ASB4: variants seen among roughly 807,000 people sequenced by gnomAD.
The protein encoded by ASB4 is ankyrin repeat and SOCS box protein 4.
A neutral mutation model predicts 38.6 loss-of-function variants in ASB4; 35 were observed. That is an observed-to-expected ratio of 0.91 (90% confidence interval 0.69 to 1.20). ASB4 has a LOEUF of 1.20. ASB4 is among the 50% of genes most tolerant of loss of function. The pLI, the probability that ASB4 is intolerant of heterozygous loss-of-function variation, is 0.00. For synonymous variants in ASB4, 195 were observed against 201.3 expected (o/e 0.97, Z 0.26); for missense variants, 557 against 527.2 (o/e 1.06, Z -0.55).
chr7:95,528,583 A>G (rs1790778294), intron 3 of ASB4: 1 of 1,388,698 alleles, frequency 7.2e-7, no homozygotes, highest in South Asian at 1.8e-5. Context: ...TTCCTGAGGG[A>G]CTGAGGTAAG....
At position 95,491,764 on chromosome 7, in the gene ASB4, A is replaced by T. The variant is rs1790174642; in HGVS notation, c.188-3994A>T. ...AGCTTTACCTGGGGTTTGGTCCTCC[A>T]TGACAGTAAGTGTATTTACTTCCAC... is the stretch of plus-strand genomic sequence containing the variant. On this transcript the variant is annotated intron_variant, in intron 1 of 4. Coordinates refer to ENST00000325885, the MANE Select transcript of ASB4 (RefSeq NM_016116.3). 1.3e-5 allele frequency among the ~76,000 whole-genome samples: 2 copies of T among 152,184 alleles called. 1 individual carries two copies. The highest frequency in any genetic ancestry group is 4.1e-4 in the South Asian group (2 of 4,832).
intron 3 of ASB4, among the ~76,000 whole-genome samples, chr7:95,529,327 A>C (rs1790788391): frequency 6.6e-6 from 1 of 152,252 alleles, no homozygotes; most frequent in African/African-American, 2.4e-5. Context: ...AAGAGTTTGA[A>C]GTATACAACA....
intron 2 of ASB4, 91 bp from the exon 3 acceptor site, chr7:95,527,720 AAG>A: frequency 8.1e-6 from 10 of 1,235,818 alleles, no homozygotes; most frequent in Non-Finnish European, 1.1e-5. Flanking sequence ...CAGAAGTTAA[AAG>A]AGAAGCAGTG....
chr7:95,543,540 G>T (rs1288469476), downstream of ASB4: 1 of 152,338 alleles, frequency 6.6e-6, no homozygotes, highest in Non-Finnish European at 1.5e-5. Context: ...AAGCCACTAT[G>T]GACCACGGAA....
intron 1 of ASB4, among the ~76,000 whole-genome samples, chr7:95,486,887 A>T (rs1790098928): frequency 6.6e-6 from 1 of 152,220 alleles, no homozygotes; most frequent in South Asian, 2.1e-4. Flanking sequence ...TAAATCAGAA[A>T]TGAATTAGAG....
chr7:95,500,641 T>A (rs1290674695), intron 2 of ASB4, among the ~76,000 whole-genome samples: 2 of 148,676 alleles, frequency 1.3e-5, no homozygotes, highest in African/African-American at 5.0e-5. Context: ...AAGAAAAAAT[T>A]CAGCCCAGCA....
At chr7:95,527,744 G>C in intron 2 of ASB4, 69 bp from the exon 3 acceptor site, 2 of 1,422,636 alleles carry the variant, frequency 1.4e-6, no homozygotes, top group Non-Finnish European at 1.9e-6. Context: ...GAAAAGTCTT[G>C]TTTAATGAAC....
intron 2 of ASB4, among the ~76,000 whole-genome samples, chr7:95,519,773 A>G (rs748244377): frequency 4.3e-4 from 65 of 152,298 alleles, no homozygotes; most frequent in Non-Finnish European, 7.4e-4. Flanking sequence ...TTAAAAAGGC[A>G]GCCATTAGTG....
the ASB4 span, among the ~76,000 whole-genome samples, chr7:95,545,680 A>C: frequency 6.6e-6 from 1 of 152,136 alleles, no homozygotes; most frequent in Non-Finnish European, 1.5e-5. Flanking sequence ...TATGTAGAGT[A>C]AATGTTGATA....
intron 2 of ASB4, among the ~76,000 whole-genome samples, chr7:95,499,426 A>G (rs1390615680): frequency 1.3e-5 from 2 of 152,248 alleles, no homozygotes; most frequent in Admixed American, 1.3e-4. Context: ...CAACACAAGG[A>G]CAAAGAAAGA....
At chr7:95,542,946 G>A (rs1039821208), downstream of ASB4, 1 of 152,186 alleles carries the variant, frequency 6.6e-6, no homozygotes, top group Non-Finnish European at 1.5e-5. Flanking sequence ...ACTAAGCAGA[G>A]AAAAATGGAC....
the ASB4 span, among the ~76,000 whole-genome samples, chr7:95,547,847 T>C: frequency 1.1e-4 from 17 of 152,336 alleles, no homozygotes; most frequent in Admixed American, 3.3e-4. Flanking sequence ...GATTCATGAC[T>C]GAAACATTAA....
the ASB4 span, among the ~76,000 whole-genome samples, chr7:95,473,361 T>C: frequency 1.3e-5 from 2 of 152,238 alleles, no homozygotes; most frequent in Admixed American, 6.5e-5. Flanking sequence ...ATCTCCATTT[T>C]AGACGTGAAG....
At chr7:95,508,223 G>T (rs1339373147) in intron 2 of ASB4, among the ~76,000 whole-genome samples, 1 of 152,132 alleles carries the variant, frequency 6.6e-6, no homozygotes, top group Non-Finnish European at 1.5e-5. Flanking sequence ...CAGGTAAAAG[G>T]ATTGACTTTG....
upstream of ASB4, among the ~76,000 whole-genome samples, chr7:95,482,680 A>G (rs1790031042): frequency 6.6e-6 from 1 of 152,236 alleles, no homozygotes; most frequent in Admixed American, 6.5e-5. Context: ...AGGGAGATCA[A>G]TAGGCTTGCT....
intron 3 of ASB4, among the ~76,000 whole-genome samples, chr7:95,529,117 A>C (rs1007051547): frequency 1.3e-5 from 2 of 152,208 alleles, no homozygotes; most frequent in African/African-American, 4.8e-5. Context: ...CAAGCAAATA[A>C]AGGGGTAATT....
upstream of ASB4, among the ~76,000 whole-genome samples, chr7:95,483,793 C>T (rs190508720): frequency 6.6e-6 from 1 of 152,048 alleles, no homozygotes; most frequent in East Asian, 1.9e-4. Flanking sequence ...GGTAGATACT[C>T]GATGGGTATT....
rs149352133 is a variant in ASB4 at position 95,528,003 on chromosome 7, G to A, written c.678G>A (p.Glu226=). ...AYWALRFKEQ[E]YSTEHHLVCR... is the part of the protein sequence containing the mutation. ...GGGCCCTCCGCTTTAAGGAGCAGGA[G>A]TACAGCACGGAGCACCACCTGGTCT... is the stretch of plus-strand genomic sequence containing the variant. The change falls in exon 3 of 5, where the codon GAG becomes GAA. Residue 226 remains glutamate, a synonymous_variant. Coordinates refer to ENST00000325885, the MANE Select transcript of ASB4 (RefSeq NM_016116.3). The A allele has an allele frequency of 1.7e-5, 28 of 1,613,976 alleles. No individual in the cohort carries two copies. The African/African-American group carries it at 2.4e-4, about 14-fold the overall frequency.
intron 1 of ASB4, among the ~76,000 whole-genome samples, chr7:95,488,696 G>A (rs1228858319): frequency 2.0e-5 from 3 of 152,204 alleles, no homozygotes; most frequent in Non-Finnish European, 4.4e-5. Flanking sequence ...GCTACACACT[G>A]CTCTTTGATT....
Sources: allele counts gnomAD v4.1 joint callset (sites outside exome capture counted in the v4.1 genomes callset), GRCh38; gene constraint gnomAD v4.1.1; transcripts MANE v1.5; gene names NCBI Gene and HGNC (gene_info 2026-07-23, HGNC 2026-07-21).